The following PCDHGC3 variants were observed in gnomAD, a reference collection of about 807,000 sequenced individuals.
PCDHGC3 encodes the protein protocadherin gamma subfamily C, 3.
In PCDHGC3, 26 loss-of-function variants were observed where a neutral mutation model predicts 59.2. The ratio of observed to expected loss-of-function variants is 0.44; its 90% CI spans 0.32 to 0.61. The LOEUF (loss-of-function observed/expected upper bound fraction) is 0.61, where lower values mean the gene tolerates loss of function less well. PCDHGC3 is among the 20% of genes least tolerant of loss of function. The pLI is 0.05. For missense variants in PCDHGC3, 1,080 were observed against 1,221.8 expected (o/e 0.88, Z 1.73); for synonymous variants, 487 against 519.7 (o/e 0.94, Z 0.86).
At chr5:141,494,680 C>A in intron 1 of PCDHGC3, 127 bp from the exon 2 acceptor site, 1 of 1,560,094 alleles carries the variant, frequency 6.4e-7, no homozygotes, top group Non-Finnish European at 8.7e-7. Flanking sequence ...CCACCCCTGC[C>A]CCCTCTTAGT....
chr5:141,497,312 G>A (rs940721317), intron 2 of PCDHGC3, among the ~76,000 whole-genome samples: 7 of 152,038 alleles, frequency 4.6e-5, no homozygotes, highest in African/African-American at 1.7e-4. Flanking sequence ...CCATACACTG[G>A]CTTTGAAGCA....
chr5:141,489,427 C>G lies in PCDHGC3; in HGVS notation c.2431-5380C>G, dbSNP rs370540900. ...AAAGATGACAGATCTGTTGAGCCGG[C>G]GGCTGCAATTGGGCTCTGAGGAGAA... On this transcript the variant is annotated intron_variant, in intron 1 of 3. Transcript: ENST00000308177. The surrounding 1 kb of genome is among the most constrained non-coding windows in gnomAD (Gnocchi z 4.5). 6.2e-7 allele frequency: 1 copy of G among 1,614,108 alleles called. No homozygotes were observed. Among genetic ancestry groups the G allele is most frequent in the South Asian group, 1.1e-5 (1 of 91,086 alleles).
Position 141,491,573 on chromosome 5 carries a change from T to G in PCDHGC3, c.2431-3234T>G. The G allele has an allele frequency of 6.2e-7, 1 of 1,613,912 alleles. No individual in the cohort carries two copies. The highest frequency in any genetic ancestry group is 8.5e-7 in the Non-Finnish European group (1 of 1,180,030). The stretch of plus-strand genomic sequence containing the variant: ...CAGAGCCACTGCTACAGGACGTGCT[T>G]TTCACCGGCCTCGGACGGCAGTGAC... On this transcript the variant is annotated intron_variant, in intron 1 of 3. Transcript: ENST00000308177. The surrounding 1 kb of genome is among the most constrained non-coding windows in gnomAD (Gnocchi z 6.9).
chr5:141,487,968 T>C lies in PCDHGC3; in HGVS notation c.2431-6839T>C, dbSNP rs2099670029. Among the ~76,000 whole-genome samples the C allele has an allele frequency of 6.6e-6, 1 of 152,236 alleles. No individual in the cohort carries two copies. The highest frequency in any genetic ancestry group is 1.5e-5 in the Non-Finnish European group (1 of 68,050). On this transcript the variant is annotated intron_variant, in intron 1 of 3. Transcript: ENST00000308177. This position sits in a 1 kb window ranked among gnomAD's most constrained non-coding sequence, Gnocchi z 5.0. The stretch of plus-strand genomic sequence containing the variant: ...AGGCAGTCACTTGGACAAAGGTGGC[T>C]GTTTTCTCTACTCTTCCTGAAAGAG...
At chr5:141,481,919 A>C (rs1488201177) in intron 1 of PCDHGC3, among the ~76,000 whole-genome samples, 1 of 151,214 alleles carries the variant, frequency 6.6e-6, no homozygotes, top group Non-Finnish European at 1.5e-5. Context: ...ATCTCAAAAA[A>C]AAAAAAAAAA....
At chr5:141,499,461 A>G (rs1448103747) in intron 2 of PCDHGC3, among the ~76,000 whole-genome samples, 2 of 152,226 alleles carry the variant, frequency 1.3e-5, no homozygotes. Flanking sequence ...TCATTTTACA[A>G]TCTAGGGAGA....
Position 141,489,524 on chromosome 5 carries a change from T to TA in PCDHGC3, c.2431-5282dup. Reference sequence around the variant, plus strand: ...AATCAAAAGATTGACCGAGAAAGCCTATGTGGAGCCAGCACCAGCTGCCTG... The same window carrying TA: ...AATCAAAAGATTGACCGAGAAAGCCTAATGTGGAGCCAGCACCAGCTGCCTG... On this transcript the variant is annotated intron_variant, in intron 1 of 3. Transcript: ENST00000308177. This position sits in a 1 kb window ranked among gnomAD's most constrained non-coding sequence, Gnocchi z 4.5. 6.2e-7 allele frequency: 1 copy of TA among 1,614,076 alleles called. No homozygotes were observed. Among genetic ancestry groups the TA allele is most frequent in the Non-Finnish European group, 8.5e-7 (1 of 1,180,010 alleles).
At chr5:141,495,020 C>G in intron 2 of PCDHGC3, 155 bp downstream of exon 2, 1 of 976,790 alleles carries the variant, frequency 1.0e-6, no homozygotes, top group Non-Finnish European at 1.2e-6. Context: ...GGCTGGCACA[C>G]AGACCCCGGA....
At chr5:141,508,961 A>C (rs991011427) in intron 3 of PCDHGC3, among the ~76,000 whole-genome samples, 2 of 151,978 alleles carry the variant, frequency 1.3e-5, no homozygotes, top group African/African-American at 4.8e-5. Context: ...TGTCAGCGGA[A>C]TGAAAGGGCT....
At position 141,477,167 on chromosome 5, in the gene PCDHGC3, G is replaced by A; in HGVS notation, c.1051G>A (p.Glu351Lys). The change falls in exon 1 of 4, where the codon GAG (glutamate) becomes AAG (lysine). Residue 351 changes from glutamate to lysine, a missense_variant. Physicochemically the swap from Glu to Lys is moderately conservative, Grantham distance 56. Coordinates refer to ENST00000308177, the MANE Select transcript of PCDHGC3 (RefSeq NM_002588.4). This position sits in a 1 kb window ranked among gnomAD's most constrained non-coding sequence, Gnocchi z 4.9. ...TGTGGATGTGAATGACAACGCCCCGGAGATCACAGTCACCTCCGTGTACAG... is the reference window on the plus strand; with the variant it reads ...TGTGGATGTGAATGACAACGCCCCGAAGATCACAGTCACCTCCGTGTACAG... The part of the protein sequence containing the change: ...EVVDVNDNAP[E>K]ITVTSVYSPV... 6.2e-7 allele frequency: 1 copy of A among 1,614,166 alleles called. No homozygotes were observed. Among genetic ancestry groups the A allele is most frequent in the South Asian group, 1.1e-5 (1 of 91,076 alleles).
rs558972594 is a variant in PCDHGC3 at position 141,485,292 on chromosome 5, A to G, written c.2430+6746A>G. ...CGCTACCCGGTCCCAGAGGAGTCAC[A>G]GGAAGGGACTTTTGTAGGGAATGTC... On this transcript the variant is annotated intron_variant, in intron 1 of 3. Coordinates refer to ENST00000308177, the MANE Select transcript of PCDHGC3 (RefSeq NM_002588.4). The surrounding 1 kb of genome is among the most constrained non-coding windows in gnomAD (Gnocchi z 5.7). 1 of 1,614,120 alleles carries G rather than the reference A, an allele frequency of 6.2e-7. No individual in the cohort carries two copies. Among genetic ancestry groups the G allele is most frequent in the African/African-American group, 1.3e-5 (1 of 75,058 alleles).
intron 2 of PCDHGC3, among the ~76,000 whole-genome samples, chr5:141,501,333 A>ACACC (rs1186649373): frequency 5.5e-4 from 77 of 140,128 alleles, no homozygotes; most frequent in African/African-American, 6.0e-4. Context: ...ACACACACAC[A>ACACC]CCCCAAACTC....
At position 141,491,390 on chromosome 5, in the gene PCDHGC3, T is replaced by C; in HGVS notation, c.2431-3417T>C. 6.2e-7 allele frequency: 1 copy of C among 1,614,130 alleles called. No homozygotes were observed. Among genetic ancestry groups the C allele is most frequent in the Non-Finnish European group, 8.5e-7 (1 of 1,179,988 alleles). ...TTCACCTTTCTGTCAGCGAAGTGCC[T>C]TCAGGGAAACGCAGACGGGGACGGG... On this transcript the variant is annotated intron_variant, in intron 1 of 3. Coordinates refer to ENST00000308177, the MANE Select transcript of PCDHGC3 (RefSeq NM_002588.4). This position sits in a 1 kb window ranked among gnomAD's most constrained non-coding sequence, Gnocchi z 6.9.
rs2099725414 is a variant in PCDHGC3, at chr5:141,491,703, GA to G, written c.2431-3103del. On this transcript the variant is annotated intron_variant, in intron 1 of 3. Coordinates refer to ENST00000308177, the MANE Select transcript of PCDHGC3 (RefSeq NM_002588.4). The surrounding 1 kb of genome is among the most constrained non-coding windows in gnomAD (Gnocchi z 6.9). ...ATACGCTGCGGGAGCGGAGCCAGGT[GA>G]GGGGCTCGGCGCCGCCCCGGGCGAC... is the stretch of plus-strand genomic sequence containing the variant. The G allele has an allele frequency of 3.7e-6, 6 of 1,611,396 alleles. No homozygotes were observed.
Position 141,510,999 on chromosome 5 carries a change from G to C in PCDHGC3, c.2631G>C (p.Leu877Phe). Residue 877 changes from leucine (L) to phenylalanine (F), a missense_variant, in exon 4 of 4, where the codon TTG (leucine) becomes TTC (phenylalanine). Coordinates refer to ENST00000308177, the MANE Select transcript of PCDHGC3 (RefSeq NM_002588.4). ...GAGGGGGTGCCGGCACCATGGGATT[G>C]AGCGCCCGCTACGGACCCCAGTTCA... ...TLGGGAGTMG[L>F]SARYGPQFTL... 6.2e-7 allele frequency: 1 copy of C among 1,614,144 alleles called. No homozygotes were observed. Among genetic ancestry groups the C allele is most frequent in the Non-Finnish European group, 8.5e-7 (1 of 1,180,008 alleles).
At chr5:141,482,611 G>A (rs1016481108) in intron 1 of PCDHGC3, among the ~76,000 whole-genome samples, 3 of 150,398 alleles carry the variant, frequency 2.0e-5, no homozygotes, top group African/African-American at 7.4e-5. Context: ...ACACCTAAAT[G>A]AGCCTGGAGA....
Position 141,478,545 on chromosome 5 carries a change from A to C in PCDHGC3, c.2429A>C (p.Gln810Pro). 1 of 1,605,606 alleles carries C rather than the reference A, an allele frequency of 6.2e-7. No homozygotes were observed. The highest frequency in any genetic ancestry group is 8.5e-7 in the Non-Finnish European group (1 of 1,175,768). The part of the protein sequence containing the change: ...VLGAESAPPG[Q>P]QAPPNTDWRF... ...GGTGCAGAGAGCGCCCCTCCCGGAC[A>C]GGTAAGGTTTAGCAAGTCATGCTTG... is the stretch of plus-strand genomic sequence containing the variant. Residue 810 changes from glutamine to proline, a missense_variant and splice_region_variant, in exon 1 of 4, where the codon CAG becomes CCG. Transcript: ENST00000308177.
At chr5:141,500,721 ATG>A (rs1209024560) in intron 2 of PCDHGC3, among the ~76,000 whole-genome samples, 1 of 152,088 alleles carries the variant, frequency 6.6e-6, no homozygotes, top group African/African-American at 2.4e-5. Context: ...GAATTTCCCC[ATG>A]TCTTTCAAAA....
Position 141,487,401 on chromosome 5 carries a change from T to C in PCDHGC3, c.2431-7406T>C, listed in dbSNP as rs2099644244. The C allele has an allele frequency of 6.2e-7, 1 of 1,614,134 alleles. No individual in the cohort carries two copies. The highest frequency in any genetic ancestry group is 1.3e-5 in the African/African-American group (1 of 75,046). On this transcript the variant is annotated intron_variant, in intron 1 of 3. Transcript: ENST00000308177. This position sits in a 1 kb window ranked among gnomAD's most constrained non-coding sequence, Gnocchi z 5.0. ...ACCAGATCTCGAAGGAGGGAGGGGCTTCCCCCTTCCAATGGGATCCTCCGA... is the reference window on the plus strand; with the variant it reads ...ACCAGATCTCGAAGGAGGGAGGGGCCTCCCCCTTCCAATGGGATCCTCCGA...
Sources: allele counts gnomAD v4.1 joint callset (sites outside exome capture counted in the v4.1 genomes callset), GRCh38; gene constraint gnomAD v4.1.1; non-coding constraint Gnocchi (gnomAD v3.1); transcripts MANE v1.5; gene names NCBI Gene and HGNC (gene_info 2026-07-23, HGNC 2026-07-21).